Variants in SHOC1 observed in about 807,000 individuals in gnomAD.
SHOC1 encodes the protein shortage in chiasmata 1.
A neutral mutation model predicts 179.2 loss-of-function variants in SHOC1; 136 were observed. The ratio of observed to expected loss-of-function variants is 0.76; its 90% confidence interval spans 0.66 to 0.87. SHOC1 has a LOEUF of 0.87. Ranked by LOEUF, SHOC1 falls within the 40% of genes least tolerant of loss-of-function variation. The pLI is 0.00. For synonymous variants in SHOC1, 489 were observed against 586.6 expected (o/e 0.83, Z 2.41); for missense variants, 1,538 against 1,700.8 (o/e 0.90, Z 1.68).
At chr9:111,693,639 G>T (rs946739863) in intron 26 of SHOC1, among the ~76,000 whole-genome samples, 160 bp downstream of exon 26, 1 of 151,802 alleles carries the variant, frequency 6.6e-6, no homozygotes. Context: ...CTAATGAAAC[G>T]TCTATATGAA....
chr9:111,700,078 T>G, intron 23 of SHOC1, 31 bp from the exon 24 acceptor site: 1 of 1,035,366 alleles, frequency 9.7e-7, no homozygotes, highest in Non-Finnish European at 1.5e-6. Flanking sequence ...ATATTTCTAT[T>G]CATTTGATAT....
rs1835901120 is a variant in SHOC1, at chr9:111,778,196, CT to C, written c.258-2222del. On this transcript the variant is annotated intron_variant, in intron 4 of 27. Transcript: ENST00000682961. Reference sequence around the variant, plus strand: ...ATTCTGTTTTCACTGGTGCCTCCTCCTTTGCATAACCTGTGGACACTGGTCT... The same window carrying C: ...ATTCTGTTTTCACTGGTGCCTCCTCCTTGCATAACCTGTGGACACTGGTCT... Among the ~76,000 whole-genome samples, 3 of 152,108 alleles carry C rather than the reference CT, an allele frequency of 2.0e-5. No individual in the cohort carries two copies. The South Asian group carries it at 6.2e-4, about 31-fold the overall frequency.
At chr9:111,708,208 T>A (rs970057084) in intron 18 of SHOC1, among the ~76,000 whole-genome samples, 9 of 151,076 alleles carry the variant, frequency 6.0e-5, no homozygotes, top group African/African-American at 1.5e-4. Context: ...ATTTTTTATT[T>A]TTTATTTTTT....
In SHOC1 at chr9:111,686,293, T is replaced by C. The variant is rs1176560336; in HGVS notation, c.*477A>G. The C allele has an allele frequency of 1.3e-5, 2 of 152,280 alleles. No homozygotes were observed. Among genetic ancestry groups the C allele is most frequent in the East Asian group, 3.8e-4 (2 of 5,210 alleles). The allele number at this position is 152,280 out of a possible 1,614,324, so 9.4% of individuals were successfully genotyped here. ...TCAATTTGTAGGAATTCTTTATATA[T>C]GAGAAATGTAAACTTTTTTTCCTAT... On this transcript the variant is annotated 3_prime_UTR_variant, in exon 28 of 28. Transcript: ENST00000682961.
chr9:111,713,198 A>G (rs1832632087), intron 17 of SHOC1, 26 bp from the exon 18 acceptor site: 1 of 1,229,424 alleles, frequency 8.1e-7, no homozygotes, highest in African/African-American at 1.5e-5. Context: ...AATTTCATAT[A>G]TATGTGGATG....
chr9:111,791,314 A>G (rs891767742), intron 2 of SHOC1, 60 bp downstream of exon 2: 1 of 929,356 alleles, frequency 1.1e-6, no homozygotes, highest in African/African-American at 1.7e-5. Flanking sequence ...TATTGAATGT[A>G]GTTAACACTT....
intron 18 of SHOC1, among the ~76,000 whole-genome samples, chr9:111,710,257 A>C (rs1348825909): frequency 1.3e-5 from 2 of 152,172 alleles, no homozygotes; most frequent in African/African-American, 4.8e-5. Context: ...TGAATGAAAT[A>C]ATAAGATCCA....
intron 2 of SHOC1, among the ~76,000 whole-genome samples, chr9:111,791,051 CT>C (rs2131658211): frequency 6.6e-6 from 1 of 152,104 alleles, no homozygotes; most frequent in East Asian, 1.9e-4. Context: ...GGCACTTTTG[CT>C]TTTTGATGGT....
intron 12 of SHOC1, among the ~76,000 whole-genome samples, chr9:111,730,554 T>C (rs1031511708): frequency 6.6e-6 from 1 of 152,238 alleles, no homozygotes; most frequent in Non-Finnish European, 1.5e-5. Flanking sequence ...GCAGTAATAT[T>C]TTGAAAGGAA....
chr9:111,718,209 T>C lies in SHOC1; in HGVS notation c.2211A>G (p.Leu737=). The part of the protein sequence containing the change: ...HLLVTIRDVL[L]TCSLDTALGY... ...CCAATGCTGTGTCCAAGCTGCATGTTAAAAGGACATCTCTAATTGTTACCA... is the reference window on the plus strand; with the variant it reads ...CCAATGCTGTGTCCAAGCTGCATGTCAAAAGGACATCTCTAATTGTTACCA... Residue 737 remains leucine, a synonymous_variant, in exon 16 of 28, where the codon TTA becomes TTG. Transcript: ENST00000682961. The C allele has an allele frequency of 1.3e-6, 2 of 1,598,616 alleles. 1 individual carries two copies.
chr9:111,784,808 G>C (rs1368554182), intron 3 of SHOC1, among the ~76,000 whole-genome samples: 1 of 152,114 alleles, frequency 6.6e-6, no homozygotes, highest in Non-Finnish European at 1.5e-5. Context: ...CTGTCTTCTT[G>C]CTGGCCTCAC....
intron 20 of SHOC1, 59 bp from the exon 21 acceptor site, chr9:111,705,423 C>CTTT (rs34081368): frequency 1.2e-4 from 63 of 533,054 alleles, no homozygotes; most frequent in East Asian, 3.7e-4. Flanking sequence ...AGCTCTTTCT[C>CTTT]TTTTTTTTTT....
Position 111,692,090 on chromosome 9 carries a change from G to C in SHOC1, c.3887C>G (p.Ser1296Cys). The C allele has an allele frequency of 6.2e-7, 1 of 1,613,906 alleles. No homozygotes were observed. The highest frequency in any genetic ancestry group is 8.5e-7 in the Non-Finnish European group (1 of 1,179,850). The change falls in exon 27 of 28, where the codon TCT becomes TGT. Residue 1296 changes from serine to cysteine, a missense_variant. Physicochemically the swap from Ser to Cys is moderately radical, Grantham distance 112. Transcript: ENST00000682961. ...ACAGTTCATTTGTGTTAGACCCAAA[G>C]AAAAGACATCTGACTCTGAATCACT... ...NHSDSESDVFSLGLTQMNCET... is the reference protein window; with the variant it reads ...NHSDSESDVFCLGLTQMNCET...
At chr9:111,693,494 T>C (rs1831543543) in intron 26 of SHOC1, among the ~76,000 whole-genome samples, 1 of 150,266 alleles carries the variant, frequency 6.7e-6, no homozygotes, top group South Asian at 2.1e-4. Flanking sequence ...TCCCAGCTAC[T>C]TGGGAGGCTG....
chr9:111,703,523 A>T (rs1183788463), intron 22 of SHOC1, among the ~76,000 whole-genome samples: 1 of 152,196 alleles, frequency 6.6e-6, no homozygotes, highest in African/African-American at 2.4e-5. Context: ...TGGAAATTCA[A>T]TATTATCAAT....
chr9:111,761,635 A>C (rs1300402250), intron 5 of SHOC1, among the ~76,000 whole-genome samples: 1 of 152,210 alleles, frequency 6.6e-6, no homozygotes, highest in Non-Finnish European at 1.5e-5. Flanking sequence ...AATTGGCAGA[A>C]TTGGTTAGGT....
chr9:111,748,183 A>G lies in SHOC1; in HGVS notation c.879T>C (p.His293=). 1 of 1,612,396 alleles carries G rather than the reference A, an allele frequency of 6.2e-7. No homozygotes were observed. The highest frequency in any genetic ancestry group is 8.5e-7 in the Non-Finnish European group (1 of 1,178,746). Residue 293 remains histidine, a synonymous_variant, in exon 9 of 28, where the codon CAT becomes CAC. Transcript: ENST00000682961. ...TTATATCCCCGATATCCTCAATTCC[A>G]TGCTTGTTAGTAAGATCTGAAAAGG... ...KLFERDLTNK[H]GIEDIGDIKF...
In SHOC1 at chr9:111,703,902, TTCA is replaced by T. The variant is rs770592253; in HGVS notation, c.2943_2945del (p.Asp981del). On this transcript the variant is annotated inframe_deletion, in exon 22 of 28. Transcript: ENST00000682961. ...TTACCTGCAAAATTATGGCAGTGTGTTCATCAATTGTCACCACTACATAACACT... is the reference window on the plus strand; with the variant it reads ...TTACCTGCAAAATTATGGCAGTGTGTTCAATTGTCACCACTACATAACACT... 10 of 1,601,120 alleles carry T rather than the reference TTCA, an allele frequency of 6.2e-6. No homozygotes were observed. Among genetic ancestry groups the T allele is most frequent in the African/African-American group, 2.7e-5 (2 of 74,652 alleles).
intron 16 of SHOC1, among the ~76,000 whole-genome samples, chr9:111,715,477 G>C (rs1408592681): frequency 6.6e-6 from 1 of 152,130 alleles, no homozygotes; most frequent in Non-Finnish European, 1.5e-5. Flanking sequence ...CTCATCTTCA[G>C]ACCTCCCCCT....
Sources: allele counts gnomAD v4.1 joint callset (sites outside exome capture counted in the v4.1 genomes callset), GRCh38; gene constraint gnomAD v4.1.1; transcripts MANE v1.5; gene names NCBI Gene and HGNC (gene_info 2026-07-23, HGNC 2026-07-21).